Variants in DNAH2 observed in about 807,000 individuals in gnomAD.
DNAH2 encodes dynein axonemal heavy chain 2.
A neutral mutation model predicts 523.5 loss-of-function variants in DNAH2; 323 were observed. The observed-to-expected ratio is 0.62, with a 90% CI of 0.56 to 0.68. The LOEUF is 0.68. Ranked by LOEUF, DNAH2 falls within the 30% of genes least tolerant of loss-of-function variation. The probability of loss-of-function intolerance (pLI) is 0.00; values close to 1 mark genes in which losing one functional copy is unlikely to be tolerated. For synonymous variants in DNAH2, 2,093 were observed against 2,177.4 expected, an observed-to-expected ratio of 0.96 and a Z score of 1.08; for missense variants, 4,907 against 5,701.5, an observed-to-expected ratio of 0.86 and a Z score of 4.49.
Position 7,771,025 on chromosome 17 carries a change from C to T in DNAH2, c.4362+92C>T, listed in dbSNP as rs1597604213. On this transcript the variant is annotated intron_variant, in intron 27 of 85. Transcript: ENST00000572933. ...ATTTTGCCCTGTTATCAGCCTCATT[C>T]TCCTACCTTTAAAGTCACTCTTCAT... is the stretch of plus-strand genomic sequence containing the variant. 10 of 1,395,828 alleles carry T rather than the reference C, an allele frequency of 7.2e-6. No individual in the cohort carries two copies. The East Asian group carries it at 2.1e-4, about 29-fold the overall frequency. 86.5% of individuals were successfully genotyped at this position (1,395,828 alleles called of 1,614,324 possible).
At chr17:7,724,153 C>T (rs933095392) in intron 3 of DNAH2, among the ~76,000 whole-genome samples, 6 of 152,048 alleles carry the variant, frequency 3.9e-5, no homozygotes, top group Non-Finnish European at 7.4e-5. Context: ...TGCATCAAAG[C>T]CTAGTCATGA....
At chr17:7,776,913 C>T in intron 32 of DNAH2, 24 bp downstream of exon 32, 1 of 1,581,186 alleles carries the variant, frequency 6.3e-7, no homozygotes, top group Non-Finnish European at 8.7e-7. Context: ...CGCACTGGCT[C>T]ATGCTTGTAA....
chr17:7,797,088 T>G, intron 50 of DNAH2, 88 bp from the exon 51 acceptor site: 2 of 1,206,946 alleles, frequency 1.7e-6, no homozygotes, highest in African/African-American at 1.8e-5. Flanking sequence ...GGAGACAGAG[T>G]GAGACTCTGT....
chr17:7,747,129 T>C (rs1486742641), intron 12 of DNAH2, among the ~76,000 whole-genome samples: 2 of 152,066 alleles, frequency 1.3e-5, no homozygotes, highest in Admixed American at 1.3e-4. Context: ...ACATCATGAA[T>C]GGCATTTTTG....
intron 11 of DNAH2, among the ~76,000 whole-genome samples, chr17:7,741,276 TTC>T (rs1368394769): frequency 1.8e-5 from 1 of 54,884 alleles, no homozygotes; most frequent in Non-Finnish European, 3.2e-5. Context: ...CTTTCTTTCT[TTC>T]TTTCTTTCTT....
intron 12 of DNAH2, among the ~76,000 whole-genome samples, chr17:7,750,129 A>G (rs1459185922): frequency 2.0e-5 from 3 of 152,030 alleles, no homozygotes; most frequent in Non-Finnish European, 4.4e-5. Flanking sequence ...GGTGATCCAC[A>G]CACCTCAGCC....
chr17:7,745,793 C>CAAA (rs5819164), intron 12 of DNAH2, among the ~76,000 whole-genome samples: 10 of 123,770 alleles, frequency 8.1e-5, no homozygotes, highest in Non-Finnish European at 1.0e-4. Flanking sequence ...CTGTCTCAAA[C>CAAA]AAAAAAAAAA....
chr17:7,818,567 T>C (rs753091015), intron 69 of DNAH2, 76 bp from the exon 70 acceptor site: 1 of 1,602,870 alleles, frequency 6.2e-7, no homozygotes, highest in Non-Finnish European at 8.5e-7. Flanking sequence ...TGAGGGGTCT[T>C]TCAAGGTGGA....
chr17:7,806,386 G>A (rs1160346591), intron 61 of DNAH2, among the ~76,000 whole-genome samples: 1 of 152,076 alleles, frequency 6.6e-6, no homozygotes, highest in Non-Finnish European at 1.5e-5. Flanking sequence ...GGCCAGGCAC[G>A]GTGGCTCACG....
intron 67 of DNAH2, 27 bp downstream of exon 67, chr17:7,817,883 C>T (rs542108244): frequency 6.1e-5 from 96 of 1,573,818 alleles, no homozygotes; most frequent in Non-Finnish European, 7.1e-5. Flanking sequence ...TCAGGTTAGC[C>T]CCCCCCTTCC....
At position 7,781,980 on chromosome 17, in the gene DNAH2, T is replaced by TA. The variant is rs1422292343; in HGVS notation, c.6129+818dup. ...CAATTGAAACTACTAAAATGATGGA[T>TA]AAAAATATAATAATAACATCCTTTT... On this transcript the variant is annotated intron_variant, in intron 39 of 85. Coordinates refer to ENST00000572933, the MANE Select transcript of DNAH2 (RefSeq NM_020877.5). Among the ~76,000 whole-genome samples, 5 of 152,164 alleles carry TA rather than the reference T, an allele frequency of 3.3e-5. No homozygotes were observed. The East Asian group carries it at 9.6e-4, about 29-fold the overall frequency.
At chr17:7,829,961 G>T (rs752246019) in intron 77 of DNAH2, among the ~76,000 whole-genome samples, 3 of 150,710 alleles carry the variant, frequency 2.0e-5, no homozygotes, top group Non-Finnish European at 2.9e-5. Context: ...AGGAGGCAGA[G>T]GTTGCAGTGA....
rs538357317 is a variant in DNAH2, at chr17:7,826,789, C to T, written c.11853+2062C>T. Among the ~76,000 whole-genome samples the T allele has an allele frequency of 8.7e-4, 132 of 152,080 alleles. 1 individual carries two copies. The highest frequency in any genetic ancestry group is 2.9e-3 in the African/African-American group (122 of 41,398). On this transcript the variant is annotated intron_variant, in intron 77 of 85. Coordinates refer to ENST00000572933, the MANE Select transcript of DNAH2 (RefSeq NM_020877.5). Reference sequence around the variant, plus strand: ...CCTGACCTCAGGCAATCTGCCTACTCTCGGCCTCCCAAAGTGCTGGGATTA... The same window carrying T: ...CCTGACCTCAGGCAATCTGCCTACTTTCGGCCTCCCAAAGTGCTGGGATTA...
Position 7,817,289 on chromosome 17 carries a change from G to C in DNAH2, c.9895-1G>C. ...GGCTTACCCTCCCTCCTGTCCGCCA[G>C]GGCCTGGAGGAGGACCTGGGCTACC... On this transcript the variant is annotated splice_acceptor_variant, in intron 64 of 85. Transcript: ENST00000572933. LOFTEE classifies it high-confidence loss of function. 6.3e-7 allele frequency: 1 copy of C among 1,589,220 alleles called. No individual in the cohort carries two copies. The highest frequency in any genetic ancestry group is 8.5e-7 in the Non-Finnish European group (1 of 1,173,524).
rs1411738534 is a variant in DNAH2 at position 7,759,080 on chromosome 17, A to G, written c.2404A>G (p.Ile802Val). Residue 802 changes from isoleucine (I) to valine (V), a missense_variant, in exon 15 of 86, where the codon ATC becomes GTC. Coordinates refer to ENST00000572933, the MANE Select transcript of DNAH2 (RefSeq NM_020877.5). The stretch of plus-strand genomic sequence containing the variant: ...GAACCTGCACCAGGATGTGGTGACC[A>G]TCATGACCAACTCCTATGAGGTCTT... ...LMNLHQDVVT[I>V]MTNSYEVFKN... 6.2e-7 allele frequency: 1 copy of G among 1,614,070 alleles called. No homozygotes were observed. Among genetic ancestry groups the G allele is most frequent in the African/African-American group, 1.3e-5 (1 of 74,926 alleles).
intron 58 of DNAH2, 93 bp from the exon 59 acceptor site, chr17:7,804,163 G>C: frequency 9.1e-6 from 12 of 1,314,084 alleles, no homozygotes; most frequent in Non-Finnish European, 1.1e-5. Flanking sequence ...AAAGGAAGGC[G>C]GACTCGAGAC....
At chr17:7,804,845 CAA>C (rs367854692) in intron 59 of DNAH2, 111 bp from the exon 60 acceptor site, 4,191 of 775,212 alleles carry the variant, frequency 5.4e-3, no homozygotes, top group Middle Eastern at 8.1e-3. Flanking sequence ...GACTCCATCT[CAA>C]AAAAAAAAAA....
intron 69 of DNAH2, 44 bp downstream of exon 69, chr17:7,818,504 AAG>A (rs1278571009): frequency 6.2e-7 from 1 of 1,607,758 alleles, no homozygotes; most frequent in South Asian, 1.1e-5. Flanking sequence ...GTGAAGCAGG[AAG>A]AGTTTGGAAG....
At chr17:7,719,294 A>AT (rs1264071801) in intron 1 of DNAH2, among the ~76,000 whole-genome samples, 2 of 151,840 alleles carry the variant, frequency 1.3e-5, no homozygotes, top group East Asian at 3.9e-4. Context: ...CTCCTGGCTA[A>AT]TTTTTTGTAT....
Sources: gnomAD v4.1 joint callset for allele counts (sites outside exome capture counted in the v4.1 genomes callset) on GRCh38, gnomAD v4.1.1 for gene constraint, MANE v1.5 for transcripts, NCBI Gene and HGNC (gene_info 2026-07-23, HGNC 2026-07-21) for gene names.